Variants in PHIP observed in about 807,000 individuals in gnomAD.
PHIP encodes PH-interacting protein.
PHIP carries 54 observed loss-of-function variants against 236.8 expected under a neutral mutation model. The observed-to-expected ratio is 0.23, with a 90% confidence interval of 0.18 to 0.29. PHIP has a LOEUF of 0.29. Ranked by LOEUF, PHIP falls within the 10% of genes least tolerant of loss-of-function variation. PHIP has a pLI of 1.00. For synonymous variants in PHIP, 756 were observed against 718.9 expected (o/e 1.05, Z -0.83); for missense variants, 1,370 against 2,190.8 (o/e 0.63, Z 7.48).
At chr6:78,944,050 G>C (rs1157066265) in intron 39 of PHIP, among the ~76,000 whole-genome samples, 4 of 134,440 alleles carry the variant, frequency 3.0e-5, no homozygotes, top group African/African-American at 1.1e-4. Context: ...GCCAGGAGAA[G>C]ACTTCCTAAA....
At chr6:78,964,931 G>C (rs1185303200) in intron 29 of PHIP, among the ~76,000 whole-genome samples, 1 of 152,000 alleles carries the variant, frequency 6.6e-6, no homozygotes, top group Non-Finnish European at 1.5e-5. Flanking sequence ...TTATGCAATT[G>C]TGCATGTGTG....
At position 78,998,411 on chromosome 6, in the gene PHIP, A is replaced by C; in HGVS notation, c.1880-20T>G. ...TCAGTCCTATACAATACCACACAAA[A>C]TATTACGAATATTTTAGCTACTATT... On this transcript the variant is annotated intron_variant, in intron 17 of 39. Coordinates refer to ENST00000275034, the MANE Select transcript of PHIP (RefSeq NM_017934.7). 1 of 1,607,090 alleles carries C rather than the reference A, an allele frequency of 6.2e-7. No homozygotes were observed.
chr6:78,955,462 G>T (rs185881663), intron 33 of PHIP, 151 bp downstream of exon 33: 744 of 544,994 alleles, frequency 1.4e-3, no homozygotes, highest in Middle Eastern at 6.6e-3. Context: ...ACTATAAGAA[G>T]AATATTCTAC....
rs140116117 is a variant in PHIP at position 78,995,212 on chromosome 6, T to C, written c.2201+2202A>G. On this transcript the variant is annotated intron_variant, in intron 19 of 39. Coordinates refer to ENST00000275034, the MANE Select transcript of PHIP (RefSeq NM_017934.7). ...TGTATCAATATGCTGTTCCTTTTTA[T>C]TGCACAGTAGTAGTCCATGGTGTGA... Among the ~76,000 whole-genome samples, 169 of 152,360 alleles carry C rather than the reference T, an allele frequency of 1.1e-3. 1 individual carries two copies. In the East Asian group the frequency reaches 0.028, roughly 26 times the overall value.
chr6:79,039,315 G>A (rs1234055866), intron 7 of PHIP, among the ~76,000 whole-genome samples: 3 of 152,068 alleles, frequency 2.0e-5, no homozygotes, highest in Admixed American at 6.5e-5. Flanking sequence ...ACAATTGCAT[G>A]TTACATTCTC....
intron 36 of PHIP, 21 bp from the exon 37 acceptor site, chr6:78,946,895 T>G: frequency 2.7e-6 from 4 of 1,495,098 alleles, no homozygotes; most frequent in Non-Finnish European, 3.6e-6. Context: ...AAAAAAAAAG[T>G]GTTCAACCAT....
At chr6:78,944,630 G>A (rs955638083) in intron 39 of PHIP, among the ~76,000 whole-genome samples, 6 of 152,152 alleles carry the variant, frequency 3.9e-5, no homozygotes, top group African/African-American at 1.4e-4. Flanking sequence ...GTTTACACGG[G>A]TAGATCCCAA....
At chr6:78,957,387 T>C (rs1013870627) in intron 32 of PHIP, 4 of 151,944 alleles carry the variant, frequency 2.6e-5, no homozygotes, top group East Asian at 1.9e-4. Context: ...ATAGCAATAA[T>C]AGCCCCCAAA....
intron 39 of PHIP, among the ~76,000 whole-genome samples, chr6:78,942,343 C>T (rs1194010046): frequency 2.0e-5 from 3 of 152,150 alleles, no homozygotes; most frequent in East Asian, 1.9e-4. Context: ...AGTAGCTGGG[C>T]GTGGTGGTGG....
At chr6:79,014,934 GT>G in intron 15 of PHIP, 147 bp downstream of exon 15, 1 of 601,564 alleles carries the variant, frequency 1.7e-6, no homozygotes, top group Non-Finnish European at 2.9e-6. Context: ...CAATAAAAGT[GT>G]GGAATAAATC....
At chr6:78,941,800 A>G (rs766957058) in intron 39 of PHIP, among the ~76,000 whole-genome samples, 3 of 152,188 alleles carry the variant, frequency 2.0e-5, no homozygotes, top group Non-Finnish European at 2.9e-5. Context: ...TTATATATAT[A>G]TATCAATCAA....
At chr6:78,988,083 A>G (rs1768978506) in intron 21 of PHIP, 126 bp downstream of exon 21, 2 of 558,596 alleles carry the variant, frequency 3.6e-6, no homozygotes, top group East Asian at 3.3e-5. Context: ...AAGCTGTATC[A>G]TAAGACCCCA....
At chr6:78,983,936 T>C (rs916861822) in intron 22 of PHIP, among the ~76,000 whole-genome samples, 4 of 152,186 alleles carry the variant, frequency 2.6e-5, no homozygotes, top group African/African-American at 4.8e-5. Flanking sequence ...AATTTTAGTA[T>C]GTGAGCATAT....
At chr6:78,953,939 A>G (rs1766231341) in intron 35 of PHIP, among the ~76,000 whole-genome samples, 1 of 152,158 alleles carries the variant, frequency 6.6e-6, no homozygotes, top group East Asian at 1.9e-4. Context: ...ATCACTCTAC[A>G]TTAAATTTAG....
intron 29 of PHIP, among the ~76,000 whole-genome samples, chr6:78,963,476 AATT>A (rs1167931833): frequency 6.6e-6 from 1 of 152,154 alleles, no homozygotes; most frequent in Non-Finnish European, 1.5e-5. Flanking sequence ...ACTTCTCCAA[AATT>A]ATACCTGAAA....
rs201096385 is a variant in PHIP, at chr6:79,025,637, G to C, written c.823-18C>G. 2.7e-6 allele frequency: 4 copies of C among 1,484,398 alleles called. No individual in the cohort carries two copies. 92.0% of individuals were successfully genotyped at this position (1,484,398 alleles called of 1,614,324 possible). A position where few individuals can be genotyped will look rare whatever the true frequency, so the allele number is the denominator to read the frequency against. On this transcript the variant is annotated intron_variant, in intron 8 of 39. Coordinates refer to ENST00000275034, the MANE Select transcript of PHIP (RefSeq NM_017934.7). ...GGTGAGAACTGAAAAGACAATCACA[G>C]AAAAAAAATCTTTACAAGAGTGACA...
intron 4 of PHIP, among the ~76,000 whole-genome samples, chr6:79,074,981 A>G (rs1644394176): frequency 6.6e-6 from 1 of 152,170 alleles, no homozygotes; most frequent in Non-Finnish European, 1.5e-5. Flanking sequence ...TTATTAGTTA[A>G]TACAACAAAT....
At chr6:79,002,948 C>G (rs564613866) in intron 16 of PHIP, among the ~76,000 whole-genome samples, 48 of 151,866 alleles carry the variant, frequency 3.2e-4, no homozygotes, top group African/African-American at 1.1e-3. Context: ...TAAACTCAAC[C>G]AGGACATAAA....
intron 3 of PHIP, 68 bp from the exon 4 acceptor site, chr6:79,077,575 G>T: frequency 1.6e-6 from 1 of 625,372 alleles, no homozygotes; most frequent in East Asian, 7.7e-5. Context: ...TCCCCCGCCC[G>T]CCCCGCGCCC....
Sources: gnomAD v4.1 joint callset for allele counts (sites outside exome capture counted in the v4.1 genomes callset) on GRCh38, gnomAD v4.1.1 for gene constraint, MANE v1.5 for transcripts, NCBI Gene and HGNC (gene_info 2026-07-23, HGNC 2026-07-21) for gene names.